The following HNF4G variants were observed in gnomAD, a reference collection of about 807,000 sequenced individuals.
The protein encoded by HNF4G is hepatocyte nuclear factor 4 gamma.
HNF4G carries 21 observed loss-of-function variants against 50.9 expected under a neutral mutation model. The observed-to-expected ratio is 0.41, with a 90% confidence interval of 0.29 to 0.59. The LOEUF is 0.59. Ranked by LOEUF, HNF4G falls within the 20% of genes least tolerant of loss-of-function variation. HNF4G has a pLI of 0.26. For synonymous variants in HNF4G, 198 were observed against 185.6 expected, an observed-to-expected ratio of 1.07 and a Z score of -0.54; for missense variants, 527 against 559.4, an observed-to-expected ratio of 0.94 and a Z score of 0.58.
chr8:75,424,723 T>A (rs1810852227), intron 1 of HNF4G, among the ~76,000 whole-genome samples: 1 of 152,200 alleles, frequency 6.6e-6, no homozygotes, highest in South Asian at 2.1e-4. Context: ...ATGATTTCTT[T>A]CTTTTTTAAG....
intron 1 of HNF4G, among the ~76,000 whole-genome samples, chr8:75,443,070 C>T (rs187249147): frequency 3.9e-5 from 6 of 152,210 alleles, no homozygotes; most frequent in Non-Finnish European, 7.4e-5. Context: ...GCTCTGCCTT[C>T]GAGAATGGGA....
intron 1 of HNF4G, among the ~76,000 whole-genome samples, chr8:75,434,078 ACTACAACCTCCG>A (rs1811080310): frequency 7.2e-6 from 1 of 139,068 alleles, no homozygotes; most frequent in African/African-American, 2.7e-5. Context: ...ATCTCGGCTC[ACTACAACCTCCG>A]CTTCCCAGGT....
upstream of HNF4G, among the ~76,000 whole-genome samples, chr8:75,538,003 G>T (rs2943546): frequency 0.66 from 100,285 of 152,076 alleles, 34,964 homozygotes; most frequent in African/African-American, 0.9. Context: ...AAAAGCTAAA[G>T]AAACCGCTTC....
At chr8:75,412,034 G>C (rs1312128160) in intron 1 of HNF4G, among the ~76,000 whole-genome samples, 1 of 152,026 alleles carries the variant, frequency 6.6e-6, no homozygotes, top group Non-Finnish European at 1.5e-5. Flanking sequence ...TTCTTAATAG[G>C]TGTTACTTGT....
At chr8:75,465,139 C>T (rs1811939662) in intron 1 of HNF4G, among the ~76,000 whole-genome samples, 2 of 152,148 alleles carry the variant, frequency 1.3e-5, no homozygotes, top group Non-Finnish European at 2.9e-5. Flanking sequence ...ATTATGAGAA[C>T]TTACAGATAG....
At chr8:75,537,960 G>A (rs1806513019), upstream of HNF4G, among the ~76,000 whole-genome samples, 1 of 151,998 alleles carries the variant, frequency 6.6e-6, no homozygotes, top group Admixed American at 6.6e-5. Context: ...AAGAAAAGAG[G>A]GCTTCCACTG....
chr8:75,429,927 G>A (rs373844953), intron 1 of HNF4G, among the ~76,000 whole-genome samples: 26 of 152,094 alleles, frequency 1.7e-4, no homozygotes, highest in East Asian at 1.9e-4. Context: ...CGAGGCCAGC[G>A]GATCACGAGA....
chr8:75,465,085 G>C (rs1438242686), intron 1 of HNF4G, among the ~76,000 whole-genome samples: 1 of 152,086 alleles, frequency 6.6e-6, no homozygotes, highest in Non-Finnish European at 1.5e-5. Context: ...TGGAACTCTT[G>C]TTTTTGGTTG....
intron 9 of HNF4G, among the ~76,000 whole-genome samples, chr8:75,561,143 T>C (rs1191711115): frequency 1.3e-5 from 2 of 152,206 alleles, no homozygotes; most frequent in Non-Finnish European, 2.9e-5. Context: ...GCATTCTCAA[T>C]GTCATGGCAT....
intron 1 of HNF4G, among the ~76,000 whole-genome samples, chr8:75,417,004 T>C (rs1392793534): frequency 6.6e-6 from 1 of 152,236 alleles, no homozygotes; most frequent in African/African-American, 2.4e-5. Flanking sequence ...ACTTAATAAA[T>C]GTGTAATTGC....
rs909926119 is a variant in HNF4G, at chr8:75,518,804, A to T, written c.-23-25007A>T. 2.6e-5 allele frequency among the ~76,000 whole-genome samples: 4 copies of T among 152,036 alleles called. No individual in the cohort carries two copies. The South Asian group carries it at 8.3e-4, about 32-fold the overall frequency. On this transcript the variant is annotated intron_variant, in intron 2 of 10. Coordinates refer to the HNF4G transcript ENST00000354370. Reference sequence around the variant, plus strand: ...GGAGGGACTGCCACGAAGATCTCTGATATACCCCAGAGACATTTTCCCCAT... The same window carrying T: ...GGAGGGACTGCCACGAAGATCTCTGTTATACCCCAGAGACATTTTCCCCAT...
At chr8:75,431,968 A>T (rs1385016062) in intron 1 of HNF4G, among the ~76,000 whole-genome samples, 1 of 151,984 alleles carries the variant, frequency 6.6e-6, no homozygotes, top group East Asian at 1.9e-4. Context: ...TGCTAAGTGC[A>T]GTGGCTTACA....
intron 1 of HNF4G, among the ~76,000 whole-genome samples, chr8:75,484,906 A>G (rs1812464188): frequency 6.6e-6 from 1 of 152,222 alleles, no homozygotes; most frequent in Non-Finnish European, 1.5e-5. Context: ...TAAGGAAACT[A>G]AATTGTAAAG....
At chr8:75,517,803 C>G (rs1425416210) in intron 2 of HNF4G, among the ~76,000 whole-genome samples, 1 of 152,050 alleles carries the variant, frequency 6.6e-6, no homozygotes, top group Non-Finnish European at 1.5e-5. Context: ...TCTTACAGCT[C>G]TACTAGGCAG....
At chr8:75,561,929 CTAAT>C (rs1292405204) in intron 9 of HNF4G, among the ~76,000 whole-genome samples, 2 of 152,122 alleles carry the variant, frequency 1.3e-5, no homozygotes, top group Non-Finnish European at 2.9e-5. Flanking sequence ...ATACAAATCT[CTAAT>C]TATTTGATTA....
intron 1 of HNF4G, among the ~76,000 whole-genome samples, chr8:75,482,122 T>G (rs1423551669): frequency 6.6e-6 from 1 of 152,170 alleles, no homozygotes; most frequent in Non-Finnish European, 1.5e-5. Context: ...TTTAAAATCT[T>G]TTGGTCTCAC....
In HNF4G at chr8:75,556,444, T is replaced by A. The variant is rs968173714; in HGVS notation, c.733+375T>A. On this transcript the variant is annotated intron_variant, in intron 6 of 9. Transcript: ENST00000396423. ...AGTCTGCTTTTTATTTTACACACTT[T>A]AAAAAAACATGTTTACGTCCTATGA... Among the ~76,000 whole-genome samples the A allele has an allele frequency of 3.3e-5, 5 of 152,102 alleles. No homozygotes were observed. In the East Asian group the frequency reaches 7.7e-4, roughly 23 times the overall value.
At chr8:75,451,580 C>T (rs1240992650) in intron 1 of HNF4G, among the ~76,000 whole-genome samples, 2 of 152,158 alleles carry the variant, frequency 1.3e-5, no homozygotes, top group South Asian at 2.1e-4. Flanking sequence ...TTTTCCCCAG[C>T]ACCATTTATT....
At chr8:75,408,439 G>T (rs554143862) in intron 1 of HNF4G, among the ~76,000 whole-genome samples, 1 of 152,042 alleles carries the variant, frequency 6.6e-6, no homozygotes, top group Non-Finnish European at 1.5e-5. Context: ...TAGGTGCTTG[G>T]TCCTGCAGCA....
Sources: allele counts gnomAD v4.1 joint callset (sites outside exome capture counted in the v4.1 genomes callset), GRCh38; gene constraint gnomAD v4.1.1; transcripts MANE v1.5; gene names NCBI Gene and HGNC (gene_info 2026-07-23, HGNC 2026-07-21).